KCNMA1: variants seen among roughly 807,000 people sequenced by gnomAD.
KCNMA1 encodes potassium calcium-activated channel subfamily M alpha 1.
A neutral mutation model predicts 140.0 loss-of-function variants in KCNMA1; 29 were observed. That is an observed-to-expected ratio of 0.21 (90% confidence interval 0.15 to 0.28). The LOEUF (loss-of-function observed/expected upper bound fraction) is 0.28, where lower values mean the gene tolerates loss of function less well. Among genes scored for constraint, KCNMA1 ranks in the 10% least tolerant of loss-of-function variants. The probability of loss-of-function intolerance (pLI) is 1.00; values close to 1 mark genes in which losing one functional copy is unlikely to be tolerated. For missense variants in KCNMA1, 880 were observed against 1,602.2 expected (o/e 0.55, Z 7.70); for synonymous variants, 612 against 611.9 (o/e 1.00, Z 0.00).
chr10:77,439,737 C>G (rs1211555656), intron 1 of KCNMA1, among the ~76,000 whole-genome samples: 8 of 152,186 alleles, frequency 5.3e-5, no homozygotes, highest in Admixed American at 5.2e-4. Context: ...TATTCTCACT[C>G]TGTGGCCCTG....
At chr10:77,160,926 T>A (rs1226972675) in intron 5 of KCNMA1, among the ~76,000 whole-genome samples, 1 of 152,220 alleles carries the variant, frequency 6.6e-6, no homozygotes, top group Non-Finnish European at 1.5e-5. Context: ...ATAATTTAGA[T>A]CTGCTTTCAC....
downstream of KCNMA1, among the ~76,000 whole-genome samples, chr10:76,881,265 G>A (rs2034562437): frequency 5.9e-5 from 9 of 152,172 alleles, no homozygotes; most frequent in Admixed American, 5.9e-4. Context: ...GCATGGCTCT[G>A]AACAAGTTAT....
chr10:77,208,239 A>G (rs2154169362), intron 3 of KCNMA1, among the ~76,000 whole-genome samples: 1 of 152,312 alleles, frequency 6.6e-6, no homozygotes. Context: ...CCAATTTCCC[A>G]GGGTTTGTTT....
chr10:77,520,178 GGGGTATGCA>G (rs2052653047), intron 1 of KCNMA1, among the ~76,000 whole-genome samples: 4 of 3,596 alleles, frequency 1.1e-3, no homozygotes, highest in Admixed American at 3.5e-3. Flanking sequence ...TGTGAGGGCT[GGGGTATGCA>G]GTGTGAGGGT....
chr10:77,546,486 C>T (rs1197206615), intron 1 of KCNMA1, among the ~76,000 whole-genome samples: 2 of 152,182 alleles, frequency 1.3e-5, no homozygotes, highest in Non-Finnish European at 2.9e-5. Flanking sequence ...ATCTAAGTCA[C>T]GAGGACAAGC....
intron 1 of KCNMA1, among the ~76,000 whole-genome samples, chr10:77,486,319 G>A (rs569678762): frequency 6.6e-6 from 1 of 152,152 alleles, no homozygotes; most frequent in African/African-American, 2.4e-5. Flanking sequence ...AGGCTCTGGA[G>A]TCTTCCTGTT....
intron 1 of KCNMA1, among the ~76,000 whole-genome samples, chr10:77,594,606 G>C (rs531168459): frequency 3.9e-4 from 59 of 152,304 alleles, no homozygotes; most frequent in African/African-American, 1.4e-3. Flanking sequence ...GGTTGTCAGT[G>C]CTATGAGGAT....
chr10:76,934,375 T>C (rs1239342690), intron 23 of KCNMA1, among the ~76,000 whole-genome samples: 1 of 152,206 alleles, frequency 6.6e-6, no homozygotes. Flanking sequence ...AGCTATTGCC[T>C]ATAGAGAATA....
In KCNMA1 at chr10:77,073,148, T is replaced by C. The variant is rs1565919069; in HGVS notation, c.1698A>G (p.Gln566=). The C allele has an allele frequency of 6.2e-7, 1 of 1,614,052 alleles. No individual in the cohort carries two copies. ...GGTTGGCAAGCATGGTGGAGAGGCC[T>C]TGAGCCAGGCAGCTCTGGGCTATGA... ...LGFIAQSCLA[Q]GLSTMLANLF... is the part of the protein sequence containing the mutation. Residue 566 remains glutamine (Q), a synonymous_variant, in exon 14 of 28, where the codon CAA becomes CAG. Coordinates refer to ENST00000286628, the MANE Select transcript of KCNMA1 (RefSeq NM_001161352.2).
At chr10:77,625,199 G>A (rs1269396951) in intron 1 of KCNMA1, among the ~76,000 whole-genome samples, 1 of 152,112 alleles carries the variant, frequency 6.6e-6, no homozygotes, top group African/African-American at 2.4e-5. Context: ...CCAGACCATG[G>A]TGAAACCCCG....
chr10:77,030,607 G>A (rs375832871), intron 15 of KCNMA1, among the ~76,000 whole-genome samples: 2 of 152,094 alleles, frequency 1.3e-5, no homozygotes, highest in African/African-American at 4.8e-5. Context: ...ACCTAATCCC[G>A]CTGGTAAGAA....
intron 1 of KCNMA1, among the ~76,000 whole-genome samples, chr10:77,581,324 T>TC (rs1328837448): frequency 6.6e-6 from 1 of 151,498 alleles, no homozygotes; most frequent in Non-Finnish European, 1.5e-5. Context: ...ACTTTTTTTT[T>TC]TTTGAGACAG....
At chr10:76,888,820 T>C (rs1333121336) in intron 27 of KCNMA1, among the ~76,000 whole-genome samples, 2 of 152,126 alleles carry the variant, frequency 1.3e-5, no homozygotes, top group African/African-American at 4.8e-5. Context: ...AGCCCAGCAC[T>C]TTGGGAGGCC....
intron 14 of KCNMA1, among the ~76,000 whole-genome samples, chr10:77,050,641 T>C (rs375266923): frequency 2.6e-4 from 40 of 152,368 alleles, no homozygotes; most frequent in South Asian, 8.3e-4. Flanking sequence ...GTCAAGTCTA[T>C]GAGTCTGCAT....
chr10:77,197,633 G>A (rs578134903), intron 3 of KCNMA1, among the ~76,000 whole-genome samples: 1 of 152,246 alleles, frequency 6.6e-6, no homozygotes, highest in South Asian at 2.1e-4. Context: ...TCATGCATGC[G>A]TCCAGTGCTC....
At chr10:77,131,565 T>C (rs2153987164) in intron 5 of KCNMA1, among the ~76,000 whole-genome samples, 1 of 152,104 alleles carries the variant, frequency 6.6e-6, no homozygotes, top group South Asian at 2.1e-4. Flanking sequence ...TTGTGGGGTG[T>C]AGTGACTAGA....
In KCNMA1 at chr10:77,322,151, G is replaced by C. The variant is rs573293132; in HGVS notation, c.541-70895C>G. On this transcript the variant is annotated intron_variant, in intron 2 of 27. Transcript: ENST00000286628. ...TCTGCAATCACCATGAAAGGCCAAG[G>C]GAGAGCATGGAGAAGCAGGTAGAGG... is the stretch of plus-strand genomic sequence containing the variant. Among the ~76,000 whole-genome samples the C allele has an allele frequency of 5.3e-5, 8 of 152,244 alleles. No individual in the cohort carries two copies. In the South Asian group the frequency reaches 1.7e-3, roughly 32 times the overall value.
intron 20 of KCNMA1, 56 bp downstream of exon 20, chr10:76,969,918 G>A: frequency 7.2e-7 from 1 of 1,383,792 alleles, no homozygotes; most frequent in South Asian, 1.2e-5. Flanking sequence ...GAGAGGGCGA[G>A]GGGAGGAAGA....
At chr10:77,097,462 T>C (rs899502749) in intron 9 of KCNMA1, among the ~76,000 whole-genome samples, 6 of 152,104 alleles carry the variant, frequency 3.9e-5, no homozygotes, top group Non-Finnish European at 8.8e-5. Context: ...AACTGATGGA[T>C]TGGTTGACAA....
Sources: gnomAD v4.1 joint callset for allele counts (sites outside exome capture counted in the v4.1 genomes callset) on GRCh38, gnomAD v4.1.1 for gene constraint, MANE v1.5 for transcripts, NCBI Gene and HGNC (gene_info 2026-07-23, HGNC 2026-07-21) for gene names.